Variants in MYH15 observed in about 807,000 individuals in gnomAD.
MYH15 encodes myosin-15.
MYH15 carries 227 observed loss-of-function variants against 240.5 expected under a neutral mutation model. That is an observed-to-expected ratio of 0.94 (90% CI 0.85 to 1.05). The LOEUF is 1.05. Among genes scored for constraint, MYH15 ranks in the 50% least tolerant of loss-of-function variants. MYH15 has a pLI of 0.00. For missense variants in MYH15, 2,217 were observed against 2,247.5 expected, an observed-to-expected ratio of 0.99 and a Z score of 0.27; for synonymous variants, 785 against 796.7, an observed-to-expected ratio of 0.99 and a Z score of 0.25.
chr3:108,384,546 GAA>G, intron 39 of MYH15, 139 bp downstream of exon 39: 1 of 717,584 alleles, frequency 1.4e-6, no homozygotes, highest in South Asian at 1.9e-5. Context: ...TCTAACTTGA[GAA>G]AAAAAACTGA....
At chr3:108,476,104 C>T (rs142283551) in intron 12 of MYH15, among the ~76,000 whole-genome samples, 4 of 152,314 alleles carry the variant, frequency 2.6e-5, no homozygotes, top group African/African-American at 7.2e-5. Context: ...AAAGCTTCCT[C>T]GCTGGATGAC....
the MYH15 span, among the ~76,000 whole-genome samples, chr3:108,535,692 T>C: frequency 1.3e-5 from 2 of 152,268 alleles, no homozygotes; most frequent in Non-Finnish European, 2.9e-5. Flanking sequence ...GTAAAAGCTA[T>C]AGAGTGTTTT....
chr3:108,470,340 A>G (rs1233176293), intron 13 of MYH15, 128 bp from the exon 14 acceptor site: 1 of 612,746 alleles, frequency 1.6e-6, no homozygotes, highest in East Asian at 3.0e-5. Context: ...CAAGTAACAA[A>G]TGCTCAATTA....
chr3:108,421,940 C>A (rs1342945981), intron 27 of MYH15, among the ~76,000 whole-genome samples: 1 of 152,228 alleles, frequency 6.6e-6, no homozygotes, highest in East Asian at 1.9e-4. Flanking sequence ...TTGGCCTTTG[C>A]ACTTTTACCC....
In MYH15 at chr3:108,437,628, G is replaced by A; in HGVS notation, c.3147C>T (p.Gly1049=). ...NCERELHKLE[G]NLKLNRESME... ...TACTTTCCCGATTCAGCTTTAAATT[G>A]CCCTCCAGTTTGTGCAGTTCCCTTT... Residue 1049 remains glycine (G), a synonymous_variant, in exon 25 of 41, where the codon GGC becomes GGT. Transcript: ENST00000693548. 6.2e-6 allele frequency: 10 copies of A among 1,614,010 alleles called. No homozygotes were observed. Among genetic ancestry groups the A allele is most frequent in the Non-Finnish European group, 8.5e-6 (10 of 1,179,994 alleles).
At chr3:108,531,520 G>A (rs554861815), upstream of MYH15, among the ~76,000 whole-genome samples, 6 of 152,234 alleles carry the variant, frequency 3.9e-5, no homozygotes, top group South Asian at 1.2e-3. Context: ...ATAGGTAAGA[G>A]AGAATATTTC....
intron 21 of MYH15, among the ~76,000 whole-genome samples, chr3:108,452,994 T>C (rs1365808337): frequency 6.6e-6 from 1 of 152,192 alleles, no homozygotes; most frequent in Non-Finnish European, 1.5e-5. Flanking sequence ...AGAATTGATA[T>C]ATCTTCATGA....
chr3:108,518,178 T>C (rs1224515699), intron 1 of MYH15, among the ~76,000 whole-genome samples: 1 of 152,220 alleles, frequency 6.6e-6, no homozygotes. Flanking sequence ...ACAGTAGCTC[T>C]ATGAAGGATA....
rs115019129 is a variant in MYH15, at chr3:108,465,580, C to T, written c.1555-766G>A. The stretch of plus-strand genomic sequence containing the variant: ...AGTAGGGCTCATGGGCTCAGTCCTG[C>T]CTGCACTCTGTACTGGAAAGCCAGT... On this transcript the variant is annotated intron_variant, in intron 14 of 40. Transcript: ENST00000693548. 9.5e-3 allele frequency among the ~76,000 whole-genome samples: 1,445 copies of T among 152,228 alleles called. 32 individuals carry two copies. Among genetic ancestry groups the T allele is most frequent in the African/African-American group, 0.033 (1,381 of 41,530 alleles).
At position 108,421,072 on chromosome 3, in the gene MYH15, C is replaced by G; in HGVS notation, c.3829+16G>C. ...GATTGAGAATTGCCTATGAGTCAAG[C>G]AGCATACTTACTTACCACTCTCACT... On this transcript the variant is annotated intron_variant, in intron 28 of 40. Coordinates refer to ENST00000693548, the MANE Select transcript of MYH15 (RefSeq NM_014981.3). The G allele has an allele frequency of 6.2e-7, 1 of 1,613,702 alleles. No homozygotes were observed. Among genetic ancestry groups the G allele is most frequent in the Non-Finnish European group, 8.5e-7 (1 of 1,179,752 alleles).
At chr3:108,451,346 C>G (rs894027287) in intron 21 of MYH15, among the ~76,000 whole-genome samples, 2 of 151,880 alleles carry the variant, frequency 1.3e-5, no homozygotes, top group Admixed American at 1.3e-4. Flanking sequence ...TGCCACTGCC[C>G]TCCAGCCTGG....
At chr3:108,513,324 A>C (rs1343807255), upstream of MYH15, among the ~76,000 whole-genome samples, 1 of 152,174 alleles carries the variant, frequency 6.6e-6, no homozygotes, top group Non-Finnish European at 1.5e-5. Flanking sequence ...TGACACCATG[A>C]TAAACAAACT....
At chr3:108,504,830 G>T (rs939450431) in intron 2 of MYH15, among the ~76,000 whole-genome samples, 1 of 152,144 alleles carries the variant, frequency 6.6e-6, no homozygotes, top group Admixed American at 6.5e-5. Flanking sequence ...GGGCTGGCGG[G>T]TATTATGGCT....
chr3:108,498,149 T>C lies in MYH15; in HGVS notation c.525-4A>G, dbSNP rs745345336. The stretch of plus-strand genomic sequence containing the variant: ...CTTTCCAGCACCAGATTCTCCTCTG[T>C]GATTTGAAATTCAGTGATACAGTTA... On this transcript the variant is annotated splice_region_variant and splice_polypyrimidine_tract_variant and intron_variant, in intron 5 of 40. Coordinates refer to ENST00000693548, the MANE Select transcript of MYH15 (RefSeq NM_014981.3). The C allele has an allele frequency of 2.5e-6, 4 of 1,613,332 alleles. No individual in the cohort carries two copies. The highest frequency in any genetic ancestry group is 2.2e-5 in the East Asian group (1 of 44,882).
intron 21 of MYH15, among the ~76,000 whole-genome samples, chr3:108,451,459 AAAAG>A (rs1310459585): frequency 2.6e-5 from 4 of 152,144 alleles, no homozygotes; most frequent in African/African-American, 9.6e-5. Flanking sequence ...TTTTTTTAAT[AAAAG>A]AAAGCTTTCC....
chr3:108,490,314 T>A (rs1177387312), intron 9 of MYH15, among the ~76,000 whole-genome samples: 1 of 152,228 alleles, frequency 6.6e-6, no homozygotes, highest in Non-Finnish European at 1.5e-5. Context: ...CTGCTAGATT[T>A]ATACCATACT....
intron 12 of MYH15, among the ~76,000 whole-genome samples, chr3:108,474,532 T>A (rs1372330089): frequency 6.6e-6 from 1 of 151,506 alleles, no homozygotes; most frequent in East Asian, 1.9e-4. Context: ...TATATATTTA[T>A]GAGGTACAGA....
chr3:108,460,173 T>G (rs1245739028), intron 17 of MYH15, 127 bp downstream of exon 17: 3 of 804,816 alleles, frequency 3.7e-6, no homozygotes, highest in Admixed American at 3.1e-5. Context: ...CAGCATAAAC[T>G]TCAACTTTTC....
At chr3:108,510,220 G>A (rs576571307) in intron 1 of MYH15, among the ~76,000 whole-genome samples, 6 of 152,186 alleles carry the variant, frequency 3.9e-5, no homozygotes, top group Admixed American at 2.6e-4. Flanking sequence ...TGTAGGGCCC[G>A]GGCCTAGACT....
Sources: allele counts gnomAD v4.1 joint callset (sites outside exome capture counted in the v4.1 genomes callset), GRCh38; gene constraint gnomAD v4.1.1; transcripts MANE v1.5; gene names NCBI Gene and HGNC (gene_info 2026-07-23, HGNC 2026-07-21).